The following SCRN2 variants were observed in gnomAD, a reference collection of about 807,000 sequenced individuals.
SCRN2 encodes secernin-2.
A neutral mutation model predicts 40.1 loss-of-function variants in SCRN2; 30 were observed. That is an observed-to-expected ratio of 0.75 (90% CI 0.56 to 1.01). SCRN2 has a LOEUF of 1.01. Ranked by LOEUF, SCRN2 falls within the 50% of genes least tolerant of loss-of-function variation. SCRN2 has a pLI of 0.00. For synonymous variants in SCRN2, 240 were observed against 233.5 expected, an observed-to-expected ratio of 1.03 and a Z score of -0.25; for missense variants, 526 against 564.9, an observed-to-expected ratio of 0.93 and a Z score of 0.70.
chr17:47,838,097 GGAGAT>G, intron 7 of SCRN2, 95 bp from the exon 8 acceptor site: 1 of 1,551,678 alleles, frequency 6.4e-7, no homozygotes, highest in Non-Finnish European at 8.6e-7. Context: ...GCAGGAGAAA[GGAGAT>G]ACCCCCCGAC....
In SCRN2 at chr17:47,837,760, G is replaced by C; in HGVS notation, c.*84C>G. On this transcript the variant is annotated 3_prime_UTR_variant, in exon 8 of 8. Coordinates refer to ENST00000290216, the MANE Select transcript of SCRN2 (RefSeq NM_138355.4). ...TCAGAACATGGCCAAGGAGCGTGAA[G>C]GGATTGCTCCACTTTACCACCACTC... 6.9e-7 allele frequency: 1 copy of C among 1,458,310 alleles called. No individual in the cohort carries two copies. The highest frequency in any genetic ancestry group is 2.4e-5 in the Admixed American group (1 of 41,256). 90.3% of individuals were successfully genotyped at this position (1,458,310 alleles called of 1,614,324 possible).
At chr17:47,840,625 C>T in intron 2 of SCRN2, 45 bp downstream of exon 2, 1 of 1,536,844 alleles carries the variant, frequency 6.5e-7, no homozygotes, top group Non-Finnish European at 8.8e-7. Context: ...TAAAAGAATG[C>T]AGAGATCTGC....
chr17:47,840,316 A>G lies in SCRN2; in HGVS notation c.231T>C (p.Arg77=). 6.2e-7 allele frequency: 1 copy of G among 1,614,194 alleles called. No homozygotes were observed. Among genetic ancestry groups the G allele is most frequent in the Non-Finnish European group, 8.5e-7 (1 of 1,180,042 alleles). Residue 77 remains arginine, a synonymous_variant, in exon 3 of 8, where the codon CGT becomes CGC. Coordinates refer to ENST00000290216, the MANE Select transcript of SCRN2 (RefSeq NM_138355.4). ...VSKTHAVILS[R]PSWLWGAEMG... ...TCTCAGCCCCCCATAGCCAAGAAGG[A>G]CGGCTCAGAATCACAGCGTGCGTCT...
chr17:47,837,704 C>T lies in SCRN2; in HGVS notation c.*140G>A. On this transcript the variant is annotated 3_prime_UTR_variant, in exon 8 of 8. Transcript: ENST00000290216. ...AGTTCACTGAAGAGAAAATAAAGCA[C>T]ATTTATTAAGGCAAAGGCCAAGCTG... 2 of 1,051,634 alleles carry T rather than the reference C, an allele frequency of 1.9e-6. No individual in the cohort carries two copies. Among genetic ancestry groups the T allele is most frequent in the Non-Finnish European group, 1.3e-6 (1 of 767,406 alleles). 65.1% of individuals were successfully genotyped at this position (1,051,634 alleles called of 1,614,324 possible). A position where few individuals can be genotyped will look rare whatever the true frequency, so the allele number is the denominator to read the frequency against.
In SCRN2 at chr17:47,839,488, A is replaced by C; in HGVS notation, c.512T>G (p.Val171Gly). The change falls in exon 4 of 8, where the codon GTG (valine) becomes GGG (glycine). Residue 171 changes from valine to glycine, a missense_variant. By Grantham distance (109) the Val-to-Gly change is moderately radical. Coordinates refer to ENST00000290216, the MANE Select transcript of SCRN2 (RefSeq NM_138355.4). ...CCAGAGCCTCCCAGCTGTCTCCAGC[A>C]CCCACGCCTCAGTGCGGTCAGCCAG... Reference protein sequence around the residue: ...FLLADRTEAWVLETAGRLWAA... With the variant: ...FLLADRTEAWGLETAGRLWAA... 1 of 1,613,610 alleles carries C rather than the reference A, an allele frequency of 6.2e-7. No individual in the cohort carries two copies. The highest frequency in any genetic ancestry group is 1.3e-5 in the African/African-American group (1 of 75,050).
intron 2 of SCRN2, 79 bp downstream of exon 2, chr17:47,840,591 T>G (rs2090866317): frequency 1.4e-6 from 2 of 1,440,582 alleles, no homozygotes; most frequent in African/African-American, 2.8e-5. Flanking sequence ...GCCTCCCAGG[T>G]GTGGGGAGCA....
chr17:47,837,856 C>G lies in SCRN2; in HGVS notation c.1266G>C (p.Gln422His). 6.2e-7 allele frequency: 1 copy of G among 1,600,206 alleles called. No individual in the cohort carries two copies. The highest frequency in any genetic ancestry group is 8.5e-7 in the Non-Finnish European group (1 of 1,179,402). Residue 422 changes from glutamine to histidine, a missense_variant, in exon 8 of 8, where the codon CAG becomes CAC. By Grantham distance (24) the Gln-to-His change is conservative (BLOSUM62 0). Transcript: ENST00000290216. ...LFQAFVKRES[Q>H]AYA ...GAAGCTATGAAGCTTACGCATAAGC[C>G]TGGCTCTCCCTCTTCACGAAGGCCT...
chr17:47,838,635 C>T lies in SCRN2; in HGVS notation c.834G>A (p.Met278Ile). The change falls in exon 6 of 8, where the codon ATG becomes ATA. Residue 278 changes from methionine (M) to isoleucine (I), a missense_variant. Met to Ile is a conservative substitution (Grantham distance 10, BLOSUM62 1). Transcript: ENST00000290216. ...ILRDKESGIC[M>I]DSGGFRTTAS... ...CCGTGGTGCGAAAGCCTCCCGAGTCCATACAGATACCACTCTCCTTGTCTC... is the reference window on the plus strand; with the variant it reads ...CCGTGGTGCGAAAGCCTCCCGAGTCTATACAGATACCACTCTCCTTGTCTC... 6.2e-7 allele frequency: 1 copy of T among 1,614,092 alleles called. No individual in the cohort carries two copies. Among genetic ancestry groups the T allele is most frequent in the Non-Finnish European group, 8.5e-7 (1 of 1,180,016 alleles).
At chr17:47,839,787 A>G in intron 3 of SCRN2, 144 bp from the exon 4 acceptor site, 1 of 768,928 alleles carries the variant, frequency 1.3e-6, no homozygotes, top group Non-Finnish European at 2.1e-6. Flanking sequence ...TGATCGTATC[A>G]AATGCAATTA....
At position 47,840,334 on chromosome 17, in the gene SCRN2, G is replaced by C. The variant is rs1428085984; in HGVS notation, c.213C>G (p.His71Gln). ...YIEVEQVSKT[H>Q]AVILSRPSWL... ...AAGAAGGACGGCTCAGAATCACAGCGTGCGTCTTCGACACCTGTTCCACTT... is the reference window on the plus strand; with the variant it reads ...AAGAAGGACGGCTCAGAATCACAGCCTGCGTCTTCGACACCTGTTCCACTT... Residue 71 changes from histidine (H) to glutamine (Q), a missense_variant, in exon 3 of 8, where the codon CAC (histidine) becomes CAG (glutamine). By Grantham distance (24) the His-to-Gln change is conservative. Transcript: ENST00000290216. 6.2e-7 allele frequency: 1 copy of C among 1,614,150 alleles called. No individual in the cohort carries two copies. The highest frequency in any genetic ancestry group is 1.7e-5 in the Admixed American group (1 of 60,030).
chr17:47,841,063 C>T, intron 1 of SCRN2, 145 bp downstream of exon 1: 2 of 421,396 alleles, frequency 4.7e-6, no homozygotes, highest in Admixed American at 8.2e-5. Flanking sequence ...GTCCCGCCCC[C>T]ACTGGGAGTC....
rs2033718266 is a variant in SCRN2 at position 47,837,761 on chromosome 17, G to A, written c.*83C>T. Reference sequence around the variant, plus strand: ...CAGAACATGGCCAAGGAGCGTGAAGGGATTGCTCCACTTTACCACCACTCA... The same window carrying A: ...CAGAACATGGCCAAGGAGCGTGAAGAGATTGCTCCACTTTACCACCACTCA... On this transcript the variant is annotated 3_prime_UTR_variant, in exon 8 of 8. Coordinates refer to ENST00000290216, the MANE Select transcript of SCRN2 (RefSeq NM_138355.4). The A allele has an allele frequency of 1.4e-6, 2 of 1,459,832 alleles. No homozygotes were observed. The highest frequency in any genetic ancestry group is 2.7e-5 in the South Asian group (2 of 74,260). The allele number at this position is 1,459,832 out of a possible 1,614,324, so 90.4% of individuals were successfully genotyped here.
intron 3 of SCRN2, chr17:47,839,977 A>G (rs2033787920): frequency 1.7e-6 from 1 of 591,052 alleles, no homozygotes; most frequent in East Asian, 2.8e-5. Flanking sequence ...TTTCAACTGA[A>G]AATAAATAAA....
rs763850943 is a variant in SCRN2, at chr17:47,839,610, C to T, written c.390G>A (p.Glu130=). Residue 130 remains glutamate (E), a synonymous_variant, in exon 4 of 8, where the codon GAG becomes GAA. Coordinates refer to ENST00000290216, the MANE Select transcript of SCRN2 (RefSeq NM_138355.4). ...LALERSSSAQ[E]ALHVITGLLE... ...GTAACCCTGTGATCACATGCAAGGCCTCCTGGGCAGAGCTGCTCCGTTCCA... is the reference window on the plus strand; with the variant it reads ...GTAACCCTGTGATCACATGCAAGGCTTCCTGGGCAGAGCTGCTCCGTTCCA... 6.2e-7 allele frequency: 1 copy of T among 1,613,964 alleles called. No homozygotes were observed. Among genetic ancestry groups the T allele is most frequent in the African/African-American group, 1.3e-5 (1 of 74,946 alleles).
chr17:47,839,843 G>A, intron 3 of SCRN2, 200 bp from the exon 4 acceptor site: 1 of 623,182 alleles, frequency 1.6e-6, no homozygotes, highest in Non-Finnish European at 2.8e-6. Flanking sequence ...ATGCTTTGAG[G>A]GTTCCATGAA....
rs1255596141 is a variant in SCRN2 at position 47,838,018 on chromosome 17, G to A, written c.1120-16C>T. On this transcript the variant is annotated splice_polypyrimidine_tract_variant and intron_variant, in intron 7 of 7. Transcript: ENST00000290216. ...GCCCCCGATCCTGCCCCAAGGGAAA[G>A]CTGAGATGAGTCTGTCCGGGACAGG... is the stretch of plus-strand genomic sequence containing the variant. The A allele has an allele frequency of 5.0e-6, 8 of 1,603,510 alleles. No homozygotes were observed. The highest frequency in any genetic ancestry group is 6.8e-6 in the Non-Finnish European group (8 of 1,179,174).
chr17:47,839,975 G>A (rs1280726688), intron 3 of SCRN2: 1 of 591,844 alleles, frequency 1.7e-6, no homozygotes. Flanking sequence ...GATTTCAACT[G>A]AAAATAAATA....
At position 47,838,332 on chromosome 17, in the gene SCRN2, C is replaced by G; in HGVS notation, c.1057G>C (p.Asp353His). Residue 353 changes from aspartate to histidine, a missense_variant, in exon 7 of 8, where the codon GAT (aspartate) becomes CAT (histidine). By Grantham distance (81) the Asp-to-His change is moderately conservative. Transcript: ENST00000290216. Reference protein sequence around the residue: ...RTLPRFQTQVDRRHTLYRGHQ... With the variant: ...RTLPRFQTQVHRRHTLYRGHQ... ...CCACGGTAGAGGGTATGCCGACGATCTACCTGAGTCTGGAATCGGGGCAGG... is the reference window on the plus strand; with the variant it reads ...CCACGGTAGAGGGTATGCCGACGATGTACCTGAGTCTGGAATCGGGGCAGG... 6.2e-7 allele frequency: 1 copy of G among 1,610,008 alleles called. No individual in the cohort carries two copies. Among genetic ancestry groups the G allele is most frequent in the Non-Finnish European group, 8.5e-7 (1 of 1,178,478 alleles).
In SCRN2 at chr17:47,838,957, C is replaced by G; in HGVS notation, c.606G>C (p.Ser202=). Residue 202 remains serine, a synonymous_variant, in exon 5 of 8, where the codon TCG becomes TCC. Transcript: ENST00000290216. ...SNQLSIGTDI[S]AQHPELRTHA... Reference sequence around the variant, plus strand: ...GAGTCCGCAGCTCCGGGTGTTGGGCCGAGATGTCCGTGCCAATGCTCAGCT... The same window carrying G: ...GAGTCCGCAGCTCCGGGTGTTGGGCGGAGATGTCCGTGCCAATGCTCAGCT... 1.9e-6 allele frequency: 3 copies of G among 1,614,054 alleles called. No homozygotes were observed. Among genetic ancestry groups the G allele is most frequent in the Non-Finnish European group, 2.5e-6 (3 of 1,180,040 alleles).
Sources: gnomAD v4.1 joint callset for allele counts on GRCh38, gnomAD v4.1.1 for gene constraint, MANE v1.5 for transcripts, NCBI Gene and HGNC (gene_info 2026-07-23, HGNC 2026-07-21) for gene names.